The following TBL1XR1 variants were observed in gnomAD, a reference collection of about 807,000 sequenced individuals.
TBL1XR1 encodes the protein TBL1X/Y related 1.
TBL1XR1 carries 5 observed loss-of-function variants against 66.9 expected under a neutral mutation model. The ratio of observed to expected loss-of-function variants is 0.07; its 90% CI spans 0.04 to 0.16. The LOEUF (loss-of-function observed/expected upper bound fraction) is 0.16. TBL1XR1 is among the 10% of genes least tolerant of loss of function. The pLI is 1.00. For missense variants in TBL1XR1, 238 were observed against 623.2 expected (o/e 0.38, Z 6.58); for synonymous variants, 210 against 206.0 (o/e 1.02, Z -0.17).
At chr3:177,103,686 A>C (rs1196889249) in intron 1 of TBL1XR1, among the ~76,000 whole-genome samples, 2 of 152,340 alleles carry the variant, frequency 1.3e-5, no homozygotes, top group South Asian at 2.1e-4. Context: ...TTCCTAGACA[A>C]AGGTACAAAC....
rs1333135492 is a variant in TBL1XR1 at position 177,112,112 on chromosome 3, T to A, written c.-121-13571A>T. The stretch of plus-strand genomic sequence containing the variant: ...ATATATATATATATATATATATTTT[T>A]TTTTTTTTTTTTTGTGAGGGGCTCT... On this transcript the variant is annotated intron_variant, in intron 1 of 15. Transcript: ENST00000457928. Among the ~76,000 whole-genome samples, 547 of 100,824 alleles carry A rather than the reference T, an allele frequency of 5.4e-3. 14 individuals carry two copies. Among genetic ancestry groups the A allele is most frequent in the African/African-American group, 0.021 (475 of 22,696 alleles). The allele number at this position is 100,824 out of a possible 152,430, so 66.1% of individuals were successfully genotyped here. A position where few individuals can be genotyped will look rare whatever the true frequency, so the allele number is the denominator to read the frequency against.
At chr3:177,142,922 A>G (rs1355565494) in intron 1 of TBL1XR1, among the ~76,000 whole-genome samples, 1 of 152,100 alleles carries the variant, frequency 6.6e-6, no homozygotes, top group African/African-American at 2.4e-5. Context: ...GACAAAAAAA[A>G]GACAGCATTC....
chr3:177,186,523 T>G (rs1004906559), intron 1 of TBL1XR1, among the ~76,000 whole-genome samples: 9 of 152,122 alleles, frequency 5.9e-5, no homozygotes, highest in African/African-American at 1.9e-4. Context: ...TAAACAGAAA[T>G]GTAGCAACAT....
At chr3:177,201,148 C>T (rs947997425), upstream of TBL1XR1, among the ~76,000 whole-genome samples, 1 of 151,514 alleles carries the variant, frequency 6.6e-6, no homozygotes, top group African/African-American at 2.4e-5. Context: ...TGCAGTGGCT[C>T]ACACCTGTAA....
chr3:177,034,284 T>G lies in TBL1XR1; in HGVS notation c.1164A>C (p.Gln388His). ...TAGTATAAATTTCTTTATTATGTGC[T>G]TGCAAATCATGGACACAATTGTCTT... ...MKQDNCVHDL[Q>H]AHNKEIYTIK... The change falls in exon 13 of 16, where the codon CAA becomes CAC. Residue 388 changes from glutamine to histidine, a missense_variant. This residue lies in a region of TBL1XR1 where 89 missense variants were observed against 220.2 expected (regional missense o/e 0.40). Coordinates refer to ENST00000457928, the MANE Select transcript of TBL1XR1 (RefSeq NM_024665.7). 1.3e-6 allele frequency: 2 copies of G among 1,596,682 alleles called. No individual in the cohort carries two copies. Among genetic ancestry groups the G allele is most frequent in the Non-Finnish European group, 1.7e-6 (2 of 1,175,476 alleles).
chr3:177,067,125 C>G (rs1719269755), intron 2 of TBL1XR1, among the ~76,000 whole-genome samples: 1 of 152,172 alleles, frequency 6.6e-6, no homozygotes, highest in African/African-American at 2.4e-5. Context: ...GCTCGGCACA[C>G]ATAGCAGGCA....
intron 2 of TBL1XR1, among the ~76,000 whole-genome samples, chr3:177,071,957 C>G (rs1303512894): frequency 6.6e-6 from 1 of 152,122 alleles, no homozygotes; most frequent in Admixed American, 6.5e-5. Flanking sequence ...GCCCCCAGGG[C>G]ACATGGGCTG....
intron 1 of TBL1XR1, among the ~76,000 whole-genome samples, chr3:177,185,571 G>A (rs2108985945): frequency 6.6e-6 from 1 of 151,224 alleles, no homozygotes; most frequent in Middle Eastern, 3.4e-3. Flanking sequence ...CAACGCCATT[G>A]CACTCCAGTC....
At chr3:177,199,352 G>C (rs1486464569), upstream of TBL1XR1, among the ~76,000 whole-genome samples, 3 of 148,100 alleles carry the variant, frequency 2.0e-5, no homozygotes, top group Admixed American at 1.4e-4. Flanking sequence ...CTTTATTTCA[G>C]AATTGAAAAG....
chr3:177,168,679 T>C (rs1388315505), intron 1 of TBL1XR1, among the ~76,000 whole-genome samples: 2 of 152,192 alleles, frequency 1.3e-5, no homozygotes, highest in East Asian at 3.8e-4. Flanking sequence ...ATAATGAACA[T>C]ACTGAACTTT....
At chr3:177,142,382 T>C (rs867129548) in intron 1 of TBL1XR1, among the ~76,000 whole-genome samples, 4 of 152,260 alleles carry the variant, frequency 2.6e-5, no homozygotes, top group Non-Finnish European at 4.4e-5. Context: ...AAGGAACAGG[T>C]TCTGCAGAAA....
At chr3:177,101,110 G>A (rs1435510040) in intron 1 of TBL1XR1, among the ~76,000 whole-genome samples, 1 of 151,728 alleles carries the variant, frequency 6.6e-6, no homozygotes, top group Non-Finnish European at 1.5e-5. Flanking sequence ...GCCCGCCTCA[G>A]CCTCCCAAAC....
Position 177,166,963 on chromosome 3 carries a change from C to T in TBL1XR1, c.-122+30158G>A, listed in dbSNP as rs115250477. ...CACTTTCTTACTAAAACTAAACATACTCTTACCATATGATCCAGCAAACAT... is the reference window on the plus strand; with the variant it reads ...CACTTTCTTACTAAAACTAAACATATTCTTACCATATGATCCAGCAAACAT... On this transcript the variant is annotated intron_variant, in intron 1 of 15. Coordinates refer to ENST00000457928, the MANE Select transcript of TBL1XR1 (RefSeq NM_024665.7). Among the ~76,000 whole-genome samples, 952 of 152,308 alleles carry T rather than the reference C, an allele frequency of 6.3e-3. 15 individuals are homozygous for T. Among genetic ancestry groups the T allele is most frequent in the African/African-American group, 0.021 (882 of 41,552 alleles).
intron 1 of TBL1XR1, among the ~76,000 whole-genome samples, chr3:177,155,733 T>C (rs1388063704): frequency 6.6e-6 from 1 of 152,202 alleles, no homozygotes; most frequent in African/African-American, 2.4e-5. Flanking sequence ...ATATCAGTTT[T>C]GGTCGGCTGC....
chr3:177,171,901 T>C (rs1733563129), intron 1 of TBL1XR1, among the ~76,000 whole-genome samples: 1 of 151,926 alleles, frequency 6.6e-6, no homozygotes, highest in African/African-American at 2.4e-5. Context: ...GAGGCCAGCC[T>C]GAAAGAGGTG....
chr3:177,059,475 G>C (rs1047127746), intron 3 of TBL1XR1, among the ~76,000 whole-genome samples: 3 of 152,150 alleles, frequency 2.0e-5, no homozygotes, highest in African/African-American at 7.2e-5. Context: ...AAAAATAATA[G>C]TATATGGTTC....
At chr3:177,134,412 G>A (rs997246129) in intron 1 of TBL1XR1, among the ~76,000 whole-genome samples, 18 of 152,144 alleles carry the variant, frequency 1.2e-4, no homozygotes, top group African/African-American at 4.3e-4. Context: ...CAGAACACTA[G>A]ACTTGGAAGC....
At chr3:177,079,770 T>C (rs1480433803) in intron 2 of TBL1XR1, 3 of 148,962 alleles carry the variant, frequency 2.0e-5, no homozygotes, top group Non-Finnish European at 4.5e-5. Flanking sequence ...GACTAGTAAC[T>C]AATGAGGGTA....
chr3:177,103,072 T>C (rs920033290), intron 1 of TBL1XR1, among the ~76,000 whole-genome samples: 3 of 152,214 alleles, frequency 2.0e-5, no homozygotes, highest in African/African-American at 4.8e-5. Flanking sequence ...GATATAAACA[T>C]ATTTGAAAAT....
Sources: allele counts gnomAD v4.1 joint callset (sites outside exome capture counted in the v4.1 genomes callset), GRCh38; gene constraint gnomAD v4.1.1; regional missense constraint gnomAD v4.1.1; transcripts MANE v1.5; gene names NCBI Gene and HGNC (gene_info 2026-07-23, HGNC 2026-07-21).